Variants in CDKN2B-AS1 observed in about 807,000 individuals in gnomAD.
CDKN2B-AS1 encodes CDKN2B antisense RNA 1 (non-protein coding).
rs779655098 is a variant in CDKN2B-AS1 at position 22,006,199 on chromosome 9, C to A, written n.29+11038C>A. The A allele has an allele frequency of 3.1e-6, 5 of 1,608,584 alleles. No individual in the cohort carries two copies. The highest frequency in any genetic ancestry group is 4.2e-6 in the Non-Finnish European group (5 of 1,179,802). ...GGGTCTGCGCAGTTGGGCTCCGCGC[C>A]GTGGAGCAGCAGCAGCTCCGCCACG... On this transcript the variant is annotated intron_variant and non_coding_transcript_variant, in intron 1 of 4. Transcript: ENST00000650946. The surrounding 1 kb of genome is among the most constrained non-coding windows in gnomAD (Gnocchi z 6.4).
intron 1 of CDKN2B-AS1, among the ~76,000 whole-genome samples, chr9:22,025,108 C>T (rs958501300): frequency 2.0e-5 from 3 of 152,232 alleles, no homozygotes; most frequent in African/African-American, 7.2e-5. Context: ...CTGGGCTCCA[C>T]ATCAGCTGGC....
chr9:22,113,940 C>A (rs922638772), intron 4 of CDKN2B-AS1: 3 of 152,096 alleles, frequency 2.0e-5, no homozygotes, highest in Admixed American at 6.6e-5. Context: ...AGCCACATGC[C>A]CCTAAGGCCA....
chr9:22,002,694 T>G (rs1820976424), intron 1 of CDKN2B-AS1, among the ~76,000 whole-genome samples: 1 of 152,060 alleles, frequency 6.6e-6, no homozygotes, highest in African/African-American at 2.4e-5. Flanking sequence ...AAAGTATTCC[T>G]AAGTATACAT....
intron 1 of CDKN2B-AS1, among the ~76,000 whole-genome samples, chr9:22,026,645 G>T (rs990050129): frequency 2.0e-5 from 3 of 152,320 alleles, no homozygotes; most frequent in African/African-American, 7.2e-5. Context: ...GCTGGATTCA[G>T]CCTCTTTTCT....
At chr9:22,026,440 G>A (rs945461882) in intron 1 of CDKN2B-AS1, among the ~76,000 whole-genome samples, 1 of 150,504 alleles carries the variant, frequency 6.6e-6, no homozygotes, top group Non-Finnish European at 1.5e-5. Context: ...GGTTAGTTTG[G>A]ACTCTCCAAA....
chr9:22,036,383 T>C (rs1822689076), intron 1 of CDKN2B-AS1, among the ~76,000 whole-genome samples: 1 of 152,044 alleles, frequency 6.6e-6, no homozygotes, highest in Non-Finnish European at 1.5e-5. Flanking sequence ...ATAGGTTAAA[T>C]AGCAAATCTA....
chr9:22,079,918 A>G (rs1430488744), intron 4 of CDKN2B-AS1, among the ~76,000 whole-genome samples: 3 of 152,162 alleles, frequency 2.0e-5, no homozygotes, highest in Non-Finnish European at 2.9e-5. Flanking sequence ...CTCTTCCCCC[A>G]TGCCTTTGGT....
intron 4 of CDKN2B-AS1, among the ~76,000 whole-genome samples, chr9:22,091,744 G>T (rs1251444045): frequency 6.6e-6 from 1 of 152,080 alleles, no homozygotes. Flanking sequence ...GGGTTTTCTA[G>T]ATATACAATC....
chr9:22,033,473 A>T (rs1396746361), intron 1 of CDKN2B-AS1, among the ~76,000 whole-genome samples: 2 of 152,178 alleles, frequency 1.3e-5, no homozygotes, highest in Non-Finnish European at 1.5e-5. Context: ...AAAAACTTTT[A>T]ACAAGTACTG....
intron 1 of CDKN2B-AS1, among the ~76,000 whole-genome samples, chr9:22,007,966 GAT>G (rs1318647544): frequency 6.6e-6 from 1 of 152,158 alleles, no homozygotes; most frequent in Non-Finnish European, 1.5e-5. Context: ...TTTAGAGGGT[GAT>G]AGTGAGGTGA....
intron 1 of CDKN2B-AS1, among the ~76,000 whole-genome samples, chr9:22,024,396 G>A (rs1156809787): frequency 6.6e-6 from 1 of 152,212 alleles, no homozygotes; most frequent in East Asian, 1.9e-4. Flanking sequence ...CACCATGCTA[G>A]TGAAGGCAAG....
chr9:22,117,997 G>T (rs1008422464), intron 4 of CDKN2B-AS1: 1 of 152,356 alleles, frequency 6.6e-6, no homozygotes, highest in African/African-American at 2.4e-5. Flanking sequence ...AGCAGGGAAA[G>T]GAACTTGCCT....
At chr9:22,084,735 G>A (rs1824809579) in intron 4 of CDKN2B-AS1, among the ~76,000 whole-genome samples, 1 of 152,156 alleles carries the variant, frequency 6.6e-6, no homozygotes, top group African/African-American at 2.4e-5. Context: ...TTAGGTTTAG[G>A]TAAATACAGA....
chr9:22,009,273 A>AC (rs1821370691), intron 1 of CDKN2B-AS1: 1 of 510,174 alleles, frequency 2.0e-6, no homozygotes, highest in Non-Finnish European at 3.5e-6. Context: ...CGCGTCGCGG[A>AC]GTCCTCACTG....
intron 4 of CDKN2B-AS1, chr9:22,120,369 T>C (rs1826066714): frequency 6.6e-6 from 1 of 152,366 alleles, no homozygotes; most frequent in Non-Finnish European, 1.5e-5. Context: ...GCTGAGAGCA[T>C]GGGAGATACT....
At chr9:22,108,520 A>T (rs889825325) in intron 4 of CDKN2B-AS1, among the ~76,000 whole-genome samples, 4 of 152,200 alleles carry the variant, frequency 2.6e-5, no homozygotes, top group African/African-American at 9.7e-5. Flanking sequence ...GTGCAAAATC[A>T]TACAGTTTGG....
chr9:22,080,108 A>G (rs1824644394), intron 4 of CDKN2B-AS1, among the ~76,000 whole-genome samples: 1 of 152,222 alleles, frequency 6.6e-6, no homozygotes, highest in Non-Finnish European at 1.5e-5. Context: ...ATGGTACTGA[A>G]TGAATAATCA....
At chr9:22,070,360 T>C (rs984176993) in intron 4 of CDKN2B-AS1, among the ~76,000 whole-genome samples, 1 of 152,190 alleles carries the variant, frequency 6.6e-6, no homozygotes, top group Non-Finnish European at 1.5e-5. Flanking sequence ...TATAAATTAA[T>C]AAAATAGTTT....
chr9:22,105,409 C>T (rs910967222), intron 4 of CDKN2B-AS1, among the ~76,000 whole-genome samples: 4 of 152,202 alleles, frequency 2.6e-5, no homozygotes, highest in African/African-American at 7.2e-5. Context: ...GCTCACCTTT[C>T]TTCCATGCAG....
Sources: gnomAD v4.1 joint callset for allele counts (sites outside exome capture counted in the v4.1 genomes callset) on GRCh38, gnomAD v4.1.1 for gene constraint, Gnocchi (gnomAD v3.1) non-coding constraint, MANE v1.5 for transcripts, NCBI Gene and HGNC (gene_info 2026-07-23, HGNC 2026-07-21) for gene names.